ADIPOR2: variants seen among roughly 807,000 people sequenced by gnomAD.
The protein encoded by ADIPOR2 is adiponectin receptor protein 2.
A neutral mutation model predicts 40.9 loss-of-function variants in ADIPOR2; 18 were observed. That is an observed-to-expected ratio of 0.44 (90% CI 0.30 to 0.65). ADIPOR2 has a LOEUF of 0.65. Ranked by LOEUF, ADIPOR2 falls within the 30% of genes least tolerant of loss-of-function variation. ADIPOR2 has a pLI of 0.09. For synonymous variants in ADIPOR2, 165 were observed against 166.4 expected (o/e 0.99, Z 0.06); for missense variants, 283 against 479.2 (o/e 0.59, Z 3.82).
intron 1 of ADIPOR2, among the ~76,000 whole-genome samples, chr12:1,720,515 G>C (rs1202512685): frequency 6.6e-6 from 1 of 152,222 alleles, no homozygotes; most frequent in Non-Finnish European, 1.5e-5. Flanking sequence ...TGTCCCATAT[G>C]GGAGTGATGG....
intron 2 of ADIPOR2, among the ~76,000 whole-genome samples, chr12:1,755,826 A>C (rs1218806036): frequency 6.6e-6 from 1 of 152,282 alleles, no homozygotes; most frequent in Non-Finnish European, 1.5e-5. Flanking sequence ...AAAATTAAAG[A>C]TCAAAATAGA....
intron 2 of ADIPOR2, among the ~76,000 whole-genome samples, chr12:1,771,438 G>A (rs939706856): frequency 6.6e-6 from 1 of 151,824 alleles, no homozygotes; most frequent in Non-Finnish European, 1.5e-5. Context: ...AGTAATGAAA[G>A]GTTGAGGAAC....
At chr12:1,746,138 G>T (rs991306940) in intron 1 of ADIPOR2, among the ~76,000 whole-genome samples, 1 of 152,202 alleles carries the variant, frequency 6.6e-6, no homozygotes, top group African/African-American at 2.4e-5. Context: ...AGGACTGAAA[G>T]AGTTATCACA....
chr12:1,765,700 A>C (rs184040368), intron 2 of ADIPOR2, among the ~76,000 whole-genome samples: 1 of 152,130 alleles, frequency 6.6e-6, no homozygotes, highest in Non-Finnish European at 1.5e-5. Context: ...GTGATTTCTA[A>C]ATCTATCATC....
intron 2 of ADIPOR2, among the ~76,000 whole-genome samples, chr12:1,769,457 A>G (rs933341544): frequency 6.6e-6 from 1 of 152,244 alleles, no homozygotes; most frequent in African/African-American, 2.4e-5. Context: ...CTTTGAGAAC[A>G]TATTTGTGAA....
chr12:1,746,698 A>T (rs1194811953), intron 1 of ADIPOR2, among the ~76,000 whole-genome samples: 6 of 152,196 alleles, frequency 3.9e-5, no homozygotes, highest in African/African-American at 1.2e-4. Context: ...CACTTTCAAT[A>T]ATGGGTAGAA....
intron 2 of ADIPOR2, among the ~76,000 whole-genome samples, chr12:1,764,556 TAA>T (rs988156916): frequency 2.9e-5 from 2 of 68,510 alleles, no homozygotes; most frequent in Non-Finnish European, 6.3e-5. Context: ...ATTAAAGTAT[TAA>T]ACACACACAC....
intron 4 of ADIPOR2, among the ~76,000 whole-genome samples, chr12:1,779,154 A>G (rs779833575): frequency 6.6e-6 from 1 of 152,242 alleles, no homozygotes; most frequent in Non-Finnish European, 1.5e-5. Flanking sequence ...TAGAGTTACC[A>G]GAAATCAACT....
At position 1,767,049 on chromosome 12, in the gene ADIPOR2, C is replaced by T. The variant is rs567821691; in HGVS notation, c.172-5793C>T. Among the ~76,000 whole-genome samples, 523 of 152,190 alleles carry T rather than the reference C, an allele frequency of 3.4e-3. 1 individual carries two copies. Among genetic ancestry groups the T allele is most frequent in the Non-Finnish European group, 5.4e-3 (367 of 68,000 alleles). On this transcript the variant is annotated intron_variant, in intron 2 of 7. Coordinates refer to ENST00000357103, the MANE Select transcript of ADIPOR2 (RefSeq NM_024551.3). ...CTTCGGGAAGCTGAGGCGGGTGGAT[C>T]ACCTGAGGTCAGGAGTTCGAGACCA...
intron 1 of ADIPOR2, among the ~76,000 whole-genome samples, chr12:1,714,353 G>A (rs1462143570): frequency 3.3e-5 from 5 of 151,950 alleles, no homozygotes; most frequent in African/African-American, 9.7e-5. Context: ...TTAATAATGC[G>A]TCCAAATTTT....
chr12:1,712,570 G>A (rs1397156225), intron 1 of ADIPOR2, among the ~76,000 whole-genome samples: 1 of 152,112 alleles, frequency 6.6e-6, no homozygotes, highest in Non-Finnish European at 1.5e-5. Flanking sequence ...GACGTATAAA[G>A]AGAAGTTTTG....
chr12:1,725,494 A>G (rs1357201979), intron 1 of ADIPOR2, among the ~76,000 whole-genome samples: 3 of 152,226 alleles, frequency 2.0e-5, no homozygotes, highest in African/African-American at 7.2e-5. Context: ...AAATGATGCT[A>G]TTACATTACA....
At chr12:1,740,706 C>T (rs2094740921) in intron 1 of ADIPOR2, among the ~76,000 whole-genome samples, 1 of 152,108 alleles carries the variant, frequency 6.6e-6, no homozygotes, top group African/African-American at 2.4e-5. Context: ...TGTGACAGAT[C>T]CTGTTTTACG....
intron 4 of ADIPOR2, 189 bp downstream of exon 4, chr12:1,778,214 T>TAA: frequency 1.7e-6 from 1 of 585,104 alleles, no homozygotes; most frequent in Non-Finnish European, 2.7e-6. Flanking sequence ...GATTTTGTTA[T>TAA]AACTTAAGTT....
chr12:1,763,825 A>G (rs1390343787), intron 2 of ADIPOR2, among the ~76,000 whole-genome samples: 2 of 152,132 alleles, frequency 1.3e-5, no homozygotes, highest in African/African-American at 2.4e-5. Flanking sequence ...CAAAGAATAC[A>G]AAAATTATCC....
chr12:1,692,365 T>A (rs1219286826), intron 1 of ADIPOR2, among the ~76,000 whole-genome samples: 1 of 152,252 alleles, frequency 6.6e-6, no homozygotes, highest in Non-Finnish European at 1.5e-5. Flanking sequence ...TCATCCGTTC[T>A]GATAAATTTG....
intron 1 of ADIPOR2, among the ~76,000 whole-genome samples, chr12:1,751,261 T>C (rs2094768583): frequency 1.3e-5 from 2 of 152,164 alleles, no homozygotes; most frequent in African/African-American, 4.8e-5. Flanking sequence ...GTGGCCAATA[T>C]TTGATTTCTT....
rs1055203351 is a variant in ADIPOR2, at chr12:1,787,502, T to C, written c.*1430T>C. On this transcript the variant is annotated 3_prime_UTR_variant, in exon 8 of 8. Coordinates refer to ENST00000357103, the MANE Select transcript of ADIPOR2 (RefSeq NM_024551.3). ...TGCCAGGGAGTGAGGTACAAGACGATGGCTCATGTCACAGGCCTACCTGAT... is the reference window on the plus strand; with the variant it reads ...TGCCAGGGAGTGAGGTACAAGACGACGGCTCATGTCACAGGCCTACCTGAT... 4.6e-5 allele frequency: 7 copies of C among 152,250 alleles called. No individual in the cohort carries two copies. Among genetic ancestry groups the C allele is most frequent in the African/African-American group, 1.7e-4 (7 of 41,468 alleles). The allele number at this position is 152,250 out of a possible 1,614,324, so 9.4% of individuals were successfully genotyped here.
intron 1 of ADIPOR2, among the ~76,000 whole-genome samples, chr12:1,723,679 G>A (rs1429309564): frequency 6.6e-6 from 1 of 151,622 alleles, no homozygotes; most frequent in African/African-American, 2.4e-5. Flanking sequence ...AACAACAAAA[G>A]TGGAAGTAAT....
Sources: allele counts gnomAD v4.1 joint callset (sites outside exome capture counted in the v4.1 genomes callset), GRCh38; gene constraint gnomAD v4.1.1; transcripts MANE v1.5; gene names NCBI Gene and HGNC (gene_info 2026-07-23, HGNC 2026-07-21).